Variants in TRIM36 observed in about 807,000 individuals in gnomAD.
TRIM36 encodes tripartite motif containing 36, also known as E3 ubiquitin-protein ligase TRIM36.
In TRIM36, 42 loss-of-function variants were observed where a neutral mutation model predicts 72.4. The observed-to-expected ratio is 0.58, with a 90% confidence interval of 0.45 to 0.75. The LOEUF is 0.75. Ranked by LOEUF, TRIM36 falls within the 30% of genes least tolerant of loss-of-function variation. The probability of loss-of-function intolerance (pLI) is 0.00; values close to 1 mark genes in which losing one functional copy is unlikely to be tolerated. For missense variants in TRIM36, 913 were observed against 857.1 expected, an observed-to-expected ratio of 1.07 and a Z score of -0.81; for synonymous variants, 315 against 282.8, an observed-to-expected ratio of 1.11 and a Z score of -1.14.
rs772279565 is a variant in TRIM36, at chr5:115,126,476, T to TA, written c.*26dup. The TA allele has an allele frequency of 2.5e-6, 4 of 1,575,752 alleles. No homozygotes were observed. Among genetic ancestry groups the TA allele is most frequent in the Middle Eastern group, 1.7e-4 (1 of 5,922 alleles). On this transcript the variant is annotated 3_prime_UTR_variant, in exon 10 of 10. Coordinates refer to ENST00000513154, the MANE Select transcript of TRIM36 (RefSeq NM_001300759.2). The stretch of plus-strand genomic sequence containing the variant: ...AAGGCATTGCTTTGTTTACAGTTTT[T>TA]ATCCTGAGTCACATCAGATGTTTCA...
rs533855982 is a variant in TRIM36, at chr5:115,147,002, T to G, written c.588+67A>C. On this transcript the variant is annotated intron_variant, in intron 3 of 9. Transcript: ENST00000513154. ...GACTTAATAATTTATTTCGTAACAT[T>G]AAGTACATAAAAGTTTCATAACATT... 90 of 1,353,834 alleles carry G rather than the reference T, an allele frequency of 6.6e-5. 1 individual carries two copies. The African/African-American group carries it at 1.3e-3, about 19-fold the overall frequency. The allele number at this position is 1,353,834 out of a possible 1,614,324, so 83.9% of individuals were successfully genotyped here.
At chr5:115,140,430 T>C (rs112843262) in intron 5 of TRIM36, among the ~76,000 whole-genome samples, 1 of 152,180 alleles carries the variant, frequency 6.6e-6, no homozygotes, top group African/African-American at 2.4e-5. Context: ...TGAAACATAA[T>C]ACACAAATGG....
intron 5 of TRIM36, among the ~76,000 whole-genome samples, chr5:115,138,633 A>T (rs1347809333): frequency 2.0e-5 from 3 of 152,172 alleles, no homozygotes; most frequent in African/African-American, 4.8e-5. Flanking sequence ...TAAAGTATAT[A>T]CCACAGTGTC....
chr5:115,179,974 C>T lies in TRIM36; in HGVS notation c.63+1G>A. 1 of 1,614,020 alleles carries T rather than the reference C, an allele frequency of 6.2e-7. No individual in the cohort carries two copies. Among genetic ancestry groups the T allele is most frequent in the Non-Finnish European group, 8.5e-7 (1 of 1,179,928 alleles). ...GCGGCGCCCCGCGCCTCATCACTTA[C>T]CTTGCCTTTAGCTATCAATTCCATG... On this transcript the variant is annotated splice_donor_variant, in intron 1 of 9. Coordinates refer to the TRIM36 transcript ENST00000282369. LOFTEE classifies it high-confidence loss of function.
chr5:115,158,152 T>C (rs998764281), intron 2 of TRIM36, among the ~76,000 whole-genome samples: 2 of 151,798 alleles, frequency 1.3e-5, no homozygotes, highest in African/African-American at 4.8e-5. Context: ...AGAAAAGTAA[T>C]GATGGCTTGG....
intron 5 of TRIM36, among the ~76,000 whole-genome samples, chr5:115,140,558 C>T (rs1490993573): frequency 6.6e-6 from 1 of 152,164 alleles, no homozygotes; most frequent in Non-Finnish European, 1.5e-5. Context: ...CCAGAAGCCT[C>T]CATATAACCT....
chr5:115,179,874 C>G, intron 1 of TRIM36: 1 of 1,178,006 alleles, frequency 8.5e-7, no homozygotes, highest in Non-Finnish European at 1.2e-6. Flanking sequence ...AGCCTCCCGC[C>G]CTTCCCAGGC....
rs148555066 is a variant in TRIM36, at chr5:115,136,169, C to T, written c.1210+831G>A. 1.1e-3 allele frequency among the ~76,000 whole-genome samples: 159 copies of T among 151,426 alleles called. 4 individuals are homozygous for T. In the East Asian group the frequency reaches 0.024, roughly 23 times the overall value. On this transcript the variant is annotated intron_variant, in intron 7 of 9. Transcript: ENST00000513154. ...TTGAAGTCCTAACCCCCAGTACGTA[C>T]CTCAGAATGTGACTGTATTTTAAAA...
intron 2 of TRIM36, among the ~76,000 whole-genome samples, chr5:115,154,684 A>C (rs1754080193): frequency 6.6e-6 from 1 of 152,204 alleles, no homozygotes; most frequent in African/African-American, 2.4e-5. Context: ...CAAGATTGAA[A>C]TGGTAATTTA....
intron 2 of TRIM36, among the ~76,000 whole-genome samples, chr5:115,157,002 G>C (rs778252767): frequency 1.3e-5 from 2 of 152,064 alleles, no homozygotes; most frequent in Non-Finnish European, 2.9e-5. Flanking sequence ...AGTGGGCTAA[G>C]GACATGAATA....
In TRIM36 at chr5:115,125,532, T is replaced by C. The variant is rs749119917; in HGVS notation, c.*971A>G. The C allele has an allele frequency of 1.3e-5, 2 of 152,078 alleles. No homozygotes were observed. Among genetic ancestry groups the C allele is most frequent in the East Asian group, 1.9e-4 (1 of 5,202 alleles). 9.4% of individuals were successfully genotyped at this position (152,078 alleles called of 1,614,324 possible). Reference sequence around the variant, plus strand: ...ATATATGTAACGCTACTAAAATATATAATGAACTTTTCAAACATGTAAATA... The same window carrying C: ...ATATATGTAACGCTACTAAAATATACAATGAACTTTTCAAACATGTAAATA... On this transcript the variant is annotated 3_prime_UTR_variant, in exon 10 of 10. Transcript: ENST00000513154.
upstream of TRIM36, among the ~76,000 whole-genome samples, chr5:115,172,939 T>C (rs952999156): frequency 2.6e-5 from 4 of 152,232 alleles, no homozygotes; most frequent in Non-Finnish European, 2.9e-5. Context: ...TTCCATCTTA[T>C]ATGTACATGT....
At chr5:115,161,913 GCATCTAAA>G (rs1754504418) in intron 2 of TRIM36, among the ~76,000 whole-genome samples, 1 of 152,192 alleles carries the variant, frequency 6.6e-6, no homozygotes, top group Non-Finnish European at 1.5e-5. Context: ...TGGCCCTGCA[GCATCTAAA>G]TTTGACACCT....
intron 8 of TRIM36, 61 bp from the exon 9 acceptor site, chr5:115,130,950 CTGATAGG>C: frequency 3.3e-6 from 5 of 1,513,530 alleles, no homozygotes; most frequent in Non-Finnish European, 4.4e-6. Flanking sequence ...TTTGTTAAAT[CTGATAGG>C]TTTTCTTACA....
chr5:115,149,828 G>A (rs1457561238), intron 2 of TRIM36, among the ~76,000 whole-genome samples: 2 of 151,840 alleles, frequency 1.3e-5, no homozygotes, highest in South Asian at 2.1e-4. Context: ...GCGCGATCTC[G>A]GCTCACTGCA....
At chr5:115,149,101 AT>A (rs1753751498) in intron 2 of TRIM36, 1 of 152,214 alleles carries the variant, frequency 6.6e-6, no homozygotes, top group African/African-American at 2.4e-5. Context: ...TAACGTTTAC[AT>A]TTTTAAACAT....
intron 9 of TRIM36, 85 bp from the exon 10 acceptor site, chr5:115,126,942 G>T: frequency 7.8e-7 from 1 of 1,285,244 alleles, no homozygotes; most frequent in Non-Finnish European, 1.1e-6. Context: ...ATACATTGAT[G>T]TAAAGTTAAA....
intron 7 of TRIM36, among the ~76,000 whole-genome samples, chr5:115,135,398 T>A (rs531211678): frequency 2.4e-4 from 36 of 150,874 alleles, no homozygotes; most frequent in Admixed American, 1.9e-3. Flanking sequence ...TTTTAAAATT[T>A]AAAAAAAAAG....
At chr5:115,126,936 A>G in intron 9 of TRIM36, 79 bp from the exon 10 acceptor site, 2 of 1,300,732 alleles carry the variant, frequency 1.5e-6, no homozygotes, top group Non-Finnish European at 2.1e-6. Context: ...GATAATATAC[A>G]TTGATGTAAA....
Sources: allele counts gnomAD v4.1 joint callset (sites outside exome capture counted in the v4.1 genomes callset), GRCh38; gene constraint gnomAD v4.1.1; transcripts MANE v1.5; gene names NCBI Gene and HGNC (gene_info 2026-07-23, HGNC 2026-07-21).